Variants in FAR2 observed in about 807,000 individuals in gnomAD.
FAR2 encodes the protein fatty acyl-CoA reductase 2, also known as epididymis secretory protein Li 81.
Under a neutral mutation model 56.0 loss-of-function variants are expected in FAR2, and 19 were observed. That is an observed-to-expected ratio of 0.34 (90% confidence interval 0.24 to 0.50). The LOEUF is 0.50. Among genes scored for constraint, FAR2 ranks in the 20% least tolerant of loss-of-function variants. The pLI is 0.98. For synonymous variants in FAR2, 219 were observed against 218.8 expected (o/e 1.00, Z -0.01); for missense variants, 508 against 642.2 (o/e 0.79, Z 2.26).
At chr12:29,317,644 C>CT (rs1209821279) in intron 9 of FAR2, 1 of 152,608 alleles carries the variant, frequency 6.6e-6, no homozygotes, top group Non-Finnish European at 1.5e-5. Flanking sequence ...GAGACTCTGT[C>CT]ACTAGGGTTT....
intron 1 of FAR2, among the ~76,000 whole-genome samples, chr12:29,263,071 TAAAGA>T (rs1278223558): frequency 2.2e-4 from 33 of 152,328 alleles, no homozygotes; most frequent in African/African-American, 7.5e-4. Context: ...TATATAATGA[TAAAGA>T]TGTTGAACCA....
At chr12:29,208,461 C>G (rs1695086596) in intron 1 of FAR2, among the ~76,000 whole-genome samples, 1 of 152,182 alleles carries the variant, frequency 6.6e-6, no homozygotes, top group Non-Finnish European at 1.5e-5. Flanking sequence ...ACCGTGTAAC[C>G]TTTCTTAAGG....
intron 4 of FAR2, among the ~76,000 whole-genome samples, chr12:29,300,069 C>T (rs189105100): frequency 6.6e-6 from 1 of 152,304 alleles, no homozygotes; most frequent in East Asian, 1.9e-4. Flanking sequence ...ACTCAATGCT[C>T]ACTGAATGAA....
chr12:29,294,989 A>G (rs1949034876), intron 3 of FAR2, among the ~76,000 whole-genome samples: 1 of 152,346 alleles, frequency 6.6e-6, no homozygotes, highest in South Asian at 2.1e-4. Context: ...CTATTTTGTT[A>G]CATTAAATCA....
chr12:29,312,992 G>A (rs920717647), intron 8 of FAR2, among the ~76,000 whole-genome samples: 1 of 152,088 alleles, frequency 6.6e-6, no homozygotes, highest in African/African-American at 2.4e-5. Flanking sequence ...ATTGTTGGCT[G>A]ATACAACATT....
chr12:29,249,687 G>C (rs985142063), intron 1 of FAR2, among the ~76,000 whole-genome samples: 1 of 152,126 alleles, frequency 6.6e-6, no homozygotes. Context: ...GCTTCTGATA[G>C]TATCCATTTG....
chr12:29,292,839 G>C (rs1408267944), intron 2 of FAR2, among the ~76,000 whole-genome samples: 1 of 152,200 alleles, frequency 6.6e-6, no homozygotes, highest in African/African-American at 2.4e-5. Flanking sequence ...AGTTAGGTCA[G>C]TCCTCAATGC....
chr12:29,311,848 T>C lies in FAR2; in HGVS notation c.888-35T>C, dbSNP rs749956585. ...TTTTTCTCTCATTAGTTTTCTATTT[T>C]GTTGTACTTATCTAATTTTTATTTC... On this transcript the variant is annotated intron_variant, in intron 7 of 11. Coordinates refer to ENST00000536681, the MANE Select transcript of FAR2 (RefSeq NM_001271783.2). The C allele has an allele frequency of 3.5e-6, 5 of 1,420,616 alleles. No individual in the cohort carries two copies. In the Admixed American group the frequency reaches 9.2e-5, roughly 26 times the overall value. 88.0% of individuals were successfully genotyped at this position (1,420,616 alleles called of 1,614,324 possible).
intron 5 of FAR2, 95 bp downstream of exon 5, chr12:29,307,930 G>C: frequency 7.6e-7 from 1 of 1,311,172 alleles, no homozygotes; most frequent in Non-Finnish European, 1.0e-6. Context: ...TCCTCCTCAG[G>C]ATTTATAGCT....
chr12:29,193,033 AT>A (rs1346346892), intron 1 of FAR2, among the ~76,000 whole-genome samples: 1 of 152,190 alleles, frequency 6.6e-6, no homozygotes, highest in Non-Finnish European at 1.5e-5. Flanking sequence ...CTACCCTAGC[AT>A]TTATAGCAGA....
intron 1 of FAR2, among the ~76,000 whole-genome samples, chr12:29,234,480 A>G (rs141801823): frequency 1.3e-5 from 2 of 152,260 alleles, no homozygotes; most frequent in African/African-American, 2.4e-5. Flanking sequence ...TTTCACAGCT[A>G]TATTTTGATT....
chr12:29,310,691 T>C (rs1408469548), intron 6 of FAR2, among the ~76,000 whole-genome samples: 2 of 152,216 alleles, frequency 1.3e-5, no homozygotes, highest in East Asian at 3.8e-4. Flanking sequence ...ACCTTAATTC[T>C]TAACATGTCT....
intron 1 of FAR2, among the ~76,000 whole-genome samples, chr12:29,240,959 C>A (rs945918266): frequency 6.6e-6 from 1 of 152,128 alleles, no homozygotes; most frequent in Non-Finnish European, 1.5e-5. Context: ...ACATGCACTA[C>A]CACATCCAGC....
intron 1 of FAR2, among the ~76,000 whole-genome samples, chr12:29,209,746 G>T (rs992901224): frequency 1.3e-5 from 2 of 151,550 alleles, no homozygotes; most frequent in East Asian, 3.9e-4. Flanking sequence ...AAGAATAAAA[G>T]AATGCGTAAA....
chr12:29,235,588 G>A (rs1466822601), intron 1 of FAR2, among the ~76,000 whole-genome samples: 2 of 152,144 alleles, frequency 1.3e-5, no homozygotes, highest in African/African-American at 4.8e-5. Context: ...TTTACCAATG[G>A]CTGAGCTTTT....
Position 29,321,819 on chromosome 12 carries a change from T to C in FAR2, c.1152T>C (p.Leu384=), listed in dbSNP as rs781147099. 1.2e-6 allele frequency: 2 copies of C among 1,613,640 alleles called. No homozygotes were observed. The highest frequency in any genetic ancestry group is 1.1e-5 in the South Asian group (1 of 91,072). Residue 384 remains leucine, a synonymous_variant, in exon 10 of 12, where the codon CTT becomes CTC. Coordinates refer to ENST00000536681, the MANE Select transcript of FAR2 (RefSeq NM_001271783.2). ...GGATGACAAAGCTCATGAATCGGCT[T>C]TTAAGAACTGTTTCCATGTTGGAGT... ...KPRMTKLMNR[L]LRTVSMLEYF...
chr12:29,196,533 G>A (rs1826800), intron 1 of FAR2, among the ~76,000 whole-genome samples: 112,122 of 151,958 alleles, frequency 0.74, 43,416 homozygotes, highest in East Asian at 0.91. Flanking sequence ...TTTTAATGGA[G>A]TTGGTTCCAG....
intron 8 of FAR2, among the ~76,000 whole-genome samples, chr12:29,315,833 G>A (rs1591962825): frequency 1.3e-5 from 2 of 152,266 alleles, no homozygotes; most frequent in African/African-American, 2.4e-5. Flanking sequence ...GGAGTATCAG[G>A]AGGCCAATTT....
rs531348116 is a variant in FAR2 at position 29,293,145 on chromosome 12, G to A, written c.190-155G>A. The A allele has an allele frequency of 1.6e-5, 9 of 563,898 alleles. No homozygotes were observed. The South Asian group carries it at 2.8e-4, about 17-fold the overall frequency. The allele number at this position is 563,898 out of a possible 1,614,324, so 34.9% of individuals were successfully genotyped here. A position where few individuals can be genotyped will look rare whatever the true frequency, so the allele number is the denominator to read the frequency against. On this transcript the variant is annotated intron_variant, in intron 2 of 11. Transcript: ENST00000536681. ...GCTTCCCAAAGTGCTGAGATTACAG[G>A]CATATGCCACCATGCCCAGCCAGAT...
Sources: allele counts gnomAD v4.1 joint callset (sites outside exome capture counted in the v4.1 genomes callset), GRCh38; gene constraint gnomAD v4.1.1; transcripts MANE v1.5; gene names NCBI Gene and HGNC (gene_info 2026-07-23, HGNC 2026-07-21).